Variants in KCNIP4 observed in about 807,000 individuals in gnomAD.
The protein encoded by KCNIP4 is potassium voltage-gated channel interacting protein 4, also known as Kv channel-interacting protein 4.
Under a neutral mutation model 34.0 loss-of-function variants are expected in KCNIP4, and 12 were observed. The observed-to-expected ratio is 0.35, with a 90% CI of 0.23 to 0.57. KCNIP4 has a LOEUF of 0.57. Among genes scored for constraint, KCNIP4 ranks in the 20% least tolerant of loss-of-function variants. KCNIP4 has a pLI of 0.83. For synonymous variants in KCNIP4, 124 were observed against 102.2 expected, an observed-to-expected ratio of 1.21 and a Z score of -1.29; for missense variants, 238 against 311.7, an observed-to-expected ratio of 0.76 and a Z score of 1.78.
At chr4:21,054,707 C>CAAAAAAAAAAA (rs34366909) in intron 1 of KCNIP4, among the ~76,000 whole-genome samples, 2 of 86,184 alleles carry the variant, frequency 2.3e-5, no homozygotes. Context: ...TACTCACATG[C>CAAAAAAAAAAA]AAAAAAAAAA....
At chr4:21,820,529 A>G (rs1335733992) in intron 1 of KCNIP4, among the ~76,000 whole-genome samples, 2 of 151,966 alleles carry the variant, frequency 1.3e-5, no homozygotes, top group Non-Finnish European at 2.9e-5. Context: ...ATTCAGCTGA[A>G]CAAAATATAC....
At chr4:21,156,665 T>G (rs1384991658) in intron 1 of KCNIP4, among the ~76,000 whole-genome samples, 1 of 152,138 alleles carries the variant, frequency 6.6e-6, no homozygotes, top group Non-Finnish European at 1.5e-5. Context: ...AGACACTAAG[T>G]AATAGAGCTG....
intron 1 of KCNIP4, among the ~76,000 whole-genome samples, chr4:21,116,712 T>A (rs1048066777): frequency 1.3e-5 from 2 of 152,212 alleles, no homozygotes; most frequent in African/African-American, 4.8e-5. Flanking sequence ...CAGCAGATTA[T>A]TTGCAGGCCA....
intron 1 of KCNIP4, among the ~76,000 whole-genome samples, chr4:21,226,763 T>C (rs145527961): frequency 1.6e-4 from 24 of 152,310 alleles, no homozygotes; most frequent in African/African-American, 5.5e-4. Flanking sequence ...AATGGATAGT[T>C]AACAGAAGCA....
intron 1 of KCNIP4, among the ~76,000 whole-genome samples, chr4:21,943,292 T>A (rs1730304932): frequency 6.6e-6 from 1 of 152,178 alleles, no homozygotes; most frequent in African/African-American, 2.4e-5. Context: ...GAGAAATCAG[T>A]AAGCCCGCAA....
chr4:21,486,082 C>T (rs529167024), intron 1 of KCNIP4, among the ~76,000 whole-genome samples: 2 of 152,308 alleles, frequency 1.3e-5, no homozygotes, highest in African/African-American at 4.8e-5. Context: ...ACCTAGCAGA[C>T]TATCTCAGGA....
chr4:21,345,417 G>C (rs1429796690), intron 1 of KCNIP4, among the ~76,000 whole-genome samples: 1 of 152,088 alleles, frequency 6.6e-6, no homozygotes, highest in Non-Finnish European at 1.5e-5. Context: ...ATAAATTTTT[G>C]TTGTTTTAAG....
At chr4:21,570,956 C>T (rs1740323168) in intron 1 of KCNIP4, among the ~76,000 whole-genome samples, 1 of 152,112 alleles carries the variant, frequency 6.6e-6, no homozygotes, top group South Asian at 2.1e-4. Context: ...GTGGTTGAAC[C>T]TGGATTCAAA....
intron 1 of KCNIP4, among the ~76,000 whole-genome samples, chr4:21,198,032 T>A (rs1333903396): frequency 6.6e-6 from 1 of 152,206 alleles, no homozygotes; most frequent in East Asian, 1.9e-4. Flanking sequence ...CAAGGATATA[T>A]GGGCTTCTGT....
intron 1 of KCNIP4, among the ~76,000 whole-genome samples, chr4:21,795,952 C>A (rs1195726289): frequency 6.6e-6 from 1 of 151,984 alleles, no homozygotes; most frequent in East Asian, 1.9e-4. Context: ...GCCTGTAATC[C>A]CAGCTACTAG....
At chr4:20,808,505 T>G (rs1228241138) in intron 3 of KCNIP4, among the ~76,000 whole-genome samples, 1 of 152,204 alleles carries the variant, frequency 6.6e-6, no homozygotes, top group Admixed American at 6.5e-5. Context: ...AGAACATAAT[T>G]ATTCATAATT....
chr4:21,257,001 T>C (rs1761103243), intron 1 of KCNIP4, among the ~76,000 whole-genome samples: 1 of 152,228 alleles, frequency 6.6e-6, no homozygotes, highest in South Asian at 2.1e-4. Context: ...TTTGCTTTGG[T>C]CATTTTTCCA....
chr4:21,538,585 T>G (rs566582569), intron 1 of KCNIP4, among the ~76,000 whole-genome samples: 1 of 152,314 alleles, frequency 6.6e-6, no homozygotes, highest in East Asian at 1.9e-4. Context: ...GCATACATCA[T>G]GGGGTTCCCA....
intron 1 of KCNIP4, chr4:21,304,735 C>G (rs1001938183): frequency 6.6e-6 from 1 of 152,154 alleles, no homozygotes; most frequent in Non-Finnish European, 1.5e-5. Context: ...AAAGCTCAGT[C>G]ACTGAGCACT....
chr4:21,921,234 A>AT (rs1430388692), intron 1 of KCNIP4, among the ~76,000 whole-genome samples: 1 of 151,570 alleles, frequency 6.6e-6, no homozygotes, highest in Non-Finnish European at 1.5e-5. Flanking sequence ...CACTCCTTTG[A>AT]TTTTTCTTCT....
At chr4:20,905,184 A>G (rs1727603694) in intron 1 of KCNIP4, among the ~76,000 whole-genome samples, 2 of 152,212 alleles carry the variant, frequency 1.3e-5, no homozygotes, top group Non-Finnish European at 2.9e-5. Context: ...TCCAAGATGT[A>G]GGTGTCAGCA....
chr4:21,304,057 G>GAGAC, intron 1 of KCNIP4: 2 of 500,680 alleles, frequency 4.0e-6, no homozygotes, highest in Non-Finnish European at 5.0e-6. Flanking sequence ...GAGAGAGAGA[G>GAGAC]AGAGAGAGAG....
At chr4:21,158,055 A>T (rs1753281373) in intron 1 of KCNIP4, among the ~76,000 whole-genome samples, 1 of 152,118 alleles carries the variant, frequency 6.6e-6, no homozygotes, top group Non-Finnish European at 1.5e-5. Context: ...AAAAACACGC[A>T]TGTGAAATGA....
intron 1 of KCNIP4, among the ~76,000 whole-genome samples, chr4:21,497,232 A>G (rs887651866): frequency 6.6e-6 from 1 of 152,104 alleles, no homozygotes; most frequent in Admixed American, 6.6e-5. Context: ...CACACTTCAC[A>G]TGATTGCCAG....
Sources: gnomAD v4.1 joint callset for allele counts (sites outside exome capture counted in the v4.1 genomes callset) on GRCh38, gnomAD v4.1.1 for gene constraint, MANE v1.5 for transcripts, NCBI Gene and HGNC (gene_info 2026-07-23, HGNC 2026-07-21) for gene names.